Variants in TMEM132E observed in about 807,000 individuals in gnomAD.
TMEM132E encodes transmembrane protein 132E.
A neutral mutation model predicts 78.5 loss-of-function variants in TMEM132E; 49 were observed. The ratio of observed to expected loss-of-function variants is 0.62; its 90% confidence interval spans 0.50 to 0.79. TMEM132E has a LOEUF of 0.79. TMEM132E is among the 30% of genes least tolerant of loss of function. TMEM132E has a pLI of 0.00. For missense variants in TMEM132E, 1,403 were observed against 1,470.9 expected (o/e 0.95, Z 0.75); for synonymous variants, 715 against 670.6 (o/e 1.07, Z -1.02).
In TMEM132E at chr17:34,605,722, C is replaced by G. The variant is rs1053868061; in HGVS notation, c.68-20405C>G. Reference sequence around the variant, plus strand: ...CTTGAAACAGTGAGTGTTTATTTCTCGTGAGTCGACCAGATGTCTGGGGTT... The same window carrying G: ...CTTGAAACAGTGAGTGTTTATTTCTGGTGAGTCGACCAGATGTCTGGGGTT... On this transcript the variant is annotated intron_variant, in intron 1 of 8. Coordinates refer to ENST00000631683, the MANE Select transcript of TMEM132E (RefSeq NM_001304438.2). 2.6e-5 allele frequency among the ~76,000 whole-genome samples: 4 copies of G among 152,158 alleles called. No homozygotes were observed. The South Asian group carries it at 8.3e-4, about 32-fold the overall frequency.
rs1907476181 is a variant in TMEM132E at position 34,635,043 on chromosome 17, A to G, written c.1933A>G (p.Ser645Gly). 6.2e-7 allele frequency: 1 copy of G among 1,613,990 alleles called. No individual in the cohort carries two copies. Among genetic ancestry groups the G allele is most frequent in the South Asian group, 1.1e-5 (1 of 91,084 alleles). Residue 645 changes from serine (S) to glycine (G), a missense_variant, in exon 7 of 9, where the codon AGC (serine) becomes GGC (glycine). By Grantham distance (56) the Ser-to-Gly change is moderately conservative. This residue lies in a region of TMEM132E where 888 missense variants were observed against 952.8 expected (regional missense o/e 0.93). Coordinates refer to ENST00000631683, the MANE Select transcript of TMEM132E (RefSeq NM_001304438.2). ...GDPRVAHMVDSSTLAGLEPGT... is the reference protein window; with the variant it reads ...GDPRVAHMVDGSTLAGLEPGT... Reference sequence around the variant, plus strand: ...TCCCCGAGTGGCACACATGGTGGACAGCAGCACGCTGGCAGGACTGGAGCC... The same window carrying G: ...TCCCCGAGTGGCACACATGGTGGACGGCAGCACGCTGGCAGGACTGGAGCC...
chr17:34,581,664 G>A (rs2142045095), intron 1 of TMEM132E, among the ~76,000 whole-genome samples: 1 of 152,006 alleles, frequency 6.6e-6, no homozygotes, highest in African/African-American at 2.4e-5. Context: ...AGCCGCCGCG[G>A]CTCGCACGCC....
chr17:34,609,632 A>G (rs192781960), intron 1 of TMEM132E, among the ~76,000 whole-genome samples: 435 of 152,196 alleles, frequency 2.9e-3, no homozygotes, highest in Non-Finnish European at 4.2e-3. Flanking sequence ...GACAAGCACC[A>G]CCTTGTGGTC....
chr17:34,626,281 G>A lies in TMEM132E; in HGVS notation c.222G>A (p.Gln74=), dbSNP rs570070256. The change falls in exon 2 of 9, where the codon CAG becomes CAA. Residue 74 remains glutamine, a synonymous_variant. Coordinates refer to ENST00000631683, the MANE Select transcript of TMEM132E (RefSeq NM_001304438.2). The part of the protein sequence containing the change: ...PSPAVANSSL[Q]RSEPFVVFQT... Reference sequence around the variant, plus strand: ...CCGCGGTCGCCAACAGCTCTCTGCAGCGCTCCGAGCCCTTCGTGGTGTTCC... The same window carrying A: ...CCGCGGTCGCCAACAGCTCTCTGCAACGCTCCGAGCCCTTCGTGGTGTTCC... 6.2e-7 allele frequency: 1 copy of A among 1,609,030 alleles called. No individual in the cohort carries two copies. Among genetic ancestry groups the A allele is most frequent in the South Asian group, 1.1e-5 (1 of 90,080 alleles).
At position 34,590,135 on chromosome 17, in the gene TMEM132E, C is replaced by T. The variant is rs569444503; in HGVS notation, c.67+8992C>T. ...TGCCTGGGAAGTTCGCCCCCACCTC[C>T]AGCCACCACTGACCACACACCTGTG... On this transcript the variant is annotated intron_variant, in intron 1 of 8. Coordinates refer to ENST00000631683, the MANE Select transcript of TMEM132E (RefSeq NM_001304438.2). Among the ~76,000 whole-genome samples, 12 of 152,334 alleles carry T rather than the reference C, an allele frequency of 7.9e-5. 1 individual carries two copies. In the South Asian group the frequency reaches 2.5e-3, roughly 32 times the overall value.
chr17:34,598,258 G>A (rs746847009), intron 1 of TMEM132E, among the ~76,000 whole-genome samples: 9 of 151,874 alleles, frequency 5.9e-5, no homozygotes, highest in Non-Finnish European at 5.9e-5. Flanking sequence ...CCTTCCTAAG[G>A]CCACTTCCAC....
rs1313508005 is a variant in TMEM132E at position 34,639,102 on chromosome 17, C to G, written c.*870C>G. ...GCACAGGGCAGGCAGCCACCTATGC[C>G]CCACAAGACGGAACCCGGGAGGGGA... On this transcript the variant is annotated 3_prime_UTR_variant, in exon 9 of 9. Transcript: ENST00000631683. The G allele has an allele frequency of 1.3e-5, 2 of 152,608 alleles. No homozygotes were observed. The highest frequency in any genetic ancestry group is 4.8e-5 in the African/African-American group (2 of 41,424). The allele number at this position is 152,608 out of a possible 1,614,324, so 9.5% of individuals were successfully genotyped here.
chr17:34,637,985 G>C lies in TMEM132E; in HGVS notation c.2978G>C (p.Gly993Ala). ...VHGRGDGSSG[G>A]SARDQAEDPA... ...GGCAGGGGCGACGGCTCCTCGGGCGGCTCAGCCCGAGACCAAGCCGAGGAC... is the reference window on the plus strand; with the variant it reads ...GGCAGGGGCGACGGCTCCTCGGGCGCCTCAGCCCGAGACCAAGCCGAGGAC... The change falls in exon 9 of 9, where the codon GGC becomes GCC. Residue 993 changes from glycine to alanine, a missense_variant. Physicochemically the swap from Gly to Ala is moderately conservative, Grantham distance 60. Transcript: ENST00000631683. 4.4e-6 allele frequency: 7 copies of C among 1,589,130 alleles called. No homozygotes were observed. Among genetic ancestry groups the C allele is most frequent in the Non-Finnish European group, 6.0e-6 (7 of 1,168,992 alleles).
intron 1 of TMEM132E, 38 bp downstream of exon 1, chr17:34,581,181 C>T (rs992930848): frequency 6.7e-7 from 1 of 1,485,232 alleles, no homozygotes. Context: ...GAGGATGCGG[C>T]AGGCGCCACT....
chr17:34,584,332 G>C (rs145941821), intron 1 of TMEM132E, among the ~76,000 whole-genome samples: 1 of 152,270 alleles, frequency 6.6e-6, no homozygotes, highest in Non-Finnish European at 1.5e-5. Flanking sequence ...CCTTCAAAGC[G>C]GAGTTCAAAT....
chr17:34,581,032 C>A lies in TMEM132E; in HGVS notation c.-45C>A. The A allele has an allele frequency of 6.7e-7, 1 of 1,500,902 alleles. No individual in the cohort carries two copies. Among genetic ancestry groups the A allele is most frequent in the Non-Finnish European group, 8.9e-7 (1 of 1,122,828 alleles). 93.0% of individuals were successfully genotyped at this position (1,500,902 alleles called of 1,614,324 possible). A position where few individuals can be genotyped will look rare whatever the true frequency, so the allele number is the denominator to read the frequency against. On this transcript the variant is annotated 5_prime_UTR_variant, in exon 1 of 9. Coordinates refer to ENST00000631683, the MANE Select transcript of TMEM132E (RefSeq NM_001304438.2). ...CAAGCCCAGCCTGGGGCCAAGTCGT[C>A]GTCGACTGTTGCTCTCTCGGACCCC...
At chr17:34,635,903 A>G in intron 7 of TMEM132E, 104 bp from the exon 8 acceptor site, 1 of 1,186,206 alleles carries the variant, frequency 8.4e-7, no homozygotes, top group Non-Finnish European at 1.1e-6. Context: ...CTCACCCTTC[A>G]GGCCCCTCTT....
intron 1 of TMEM132E, among the ~76,000 whole-genome samples, chr17:34,589,212 C>T (rs975400357): frequency 7.2e-5 from 11 of 152,170 alleles, no homozygotes; most frequent in Admixed American, 2.0e-4. Context: ...TGAGAGCCTT[C>T]GGGGTGGAGG....
At chr17:34,581,203 G>A (rs2142044678) in intron 1 of TMEM132E, 60 bp downstream of exon 1, 4 of 1,402,784 alleles carry the variant, frequency 2.9e-6, no homozygotes, top group Middle Eastern at 3.7e-4. Flanking sequence ...GAGGGGGTAC[G>A]GGGAAGACTG....
intron 7 of TMEM132E, 122 bp downstream of exon 7, chr17:34,635,209 CT>C: frequency 8.5e-7 from 1 of 1,171,198 alleles, no homozygotes; most frequent in East Asian, 2.6e-5. Context: ...CTGCCTGCCC[CT>C]TGTCTGAAAT....
chr17:34,615,383 A>G (rs917459910), intron 1 of TMEM132E, among the ~76,000 whole-genome samples: 1 of 152,006 alleles, frequency 6.6e-6, no homozygotes, highest in African/African-American at 2.4e-5. Flanking sequence ...CTTACTCTCA[A>G]AGATGAGGAA....
chr17:34,635,191 A>C (rs1597693760), intron 7 of TMEM132E, 104 bp downstream of exon 7: 1 of 1,297,248 alleles, frequency 7.7e-7, no homozygotes, highest in Admixed American at 2.5e-5. Flanking sequence ...CCCCCAGAAC[A>C]CTCTTCCCTG....
intron 1 of TMEM132E, among the ~76,000 whole-genome samples, chr17:34,588,467 A>T (rs1259255987): frequency 6.6e-6 from 1 of 152,210 alleles, no homozygotes; most frequent in Non-Finnish European, 1.5e-5. Flanking sequence ...TGAATCAATG[A>T]ATGAATCATT....
In TMEM132E at chr17:34,629,516, C is replaced by T. The variant is rs1306589682; in HGVS notation, c.1338+312C>T. On this transcript the variant is annotated intron_variant, in intron 4 of 8. Coordinates refer to ENST00000631683, the MANE Select transcript of TMEM132E (RefSeq NM_001304438.2). ...TTGGAGGTCACCTGGGAGGGAGCCTCCCAGAGATGCAGGGTGTGTCCCAGG... is the reference window on the plus strand; with the variant it reads ...TTGGAGGTCACCTGGGAGGGAGCCTTCCAGAGATGCAGGGTGTGTCCCAGG... Among the ~76,000 whole-genome samples the T allele has an allele frequency of 3.3e-5, 5 of 152,186 alleles. No homozygotes were observed. The South Asian group carries it at 8.3e-4, about 25-fold the overall frequency.
Sources: gnomAD v4.1 joint callset for allele counts (sites outside exome capture counted in the v4.1 genomes callset) on GRCh38, gnomAD v4.1.1 for gene constraint, gnomAD v4.1.1 regional missense constraint, MANE v1.5 for transcripts, NCBI Gene and HGNC (gene_info 2026-07-23, HGNC 2026-07-21) for gene names.